The following DNAJB6 variants were observed in gnomAD, a reference collection of about 807,000 sequenced individuals.
DNAJB6 encodes dnaJ homolog subfamily B member 6.
In DNAJB6, 16 loss-of-function variants were observed where a neutral mutation model predicts 42.7. The ratio of observed to expected loss-of-function variants is 0.37; its 90% confidence interval spans 0.25 to 0.57. The LOEUF is 0.57. DNAJB6 is among the 20% of genes least tolerant of loss of function. DNAJB6 has a pLI of 0.74. For missense variants in DNAJB6, 347 were observed against 416.8 expected, an observed-to-expected ratio of 0.83 and a Z score of 1.46; for synonymous variants, 170 against 163.5, an observed-to-expected ratio of 1.04 and a Z score of -0.30.
intron 1 of DNAJB6, among the ~76,000 whole-genome samples, chr7:157,340,964 CTGTGTG>C (rs35976329): frequency 0.066 from 9,597 of 146,114 alleles, 412 homozygotes; most frequent in Non-Finnish European, 0.098. Context: ...CCGCACCTGG[CTGTGTG>C]TGTGTGTGTG....
At chr7:157,349,441 C>T (rs150492661) in intron 1 of DNAJB6, among the ~76,000 whole-genome samples, 7 of 152,102 alleles carry the variant, frequency 4.6e-5, no homozygotes, top group East Asian at 1.9e-4. Context: ...AAGGCAGGAC[C>T]GTGACCCCAG....
intron 8 of DNAJB6, among the ~76,000 whole-genome samples, chr7:157,389,874 T>C (rs1024904025): frequency 2.0e-5 from 3 of 152,216 alleles, no homozygotes; most frequent in Non-Finnish European, 4.4e-5. Flanking sequence ...TCAGTCGGTC[T>C]TACCTAACTG....
rs201137575 is a variant in DNAJB6 at position 157,343,308 on chromosome 7, C to CA, written c.-27+6165dup. 5.3e-3 allele frequency among the ~76,000 whole-genome samples: 812 copies of CA among 152,044 alleles called. 11 individuals carry two copies. The highest frequency in any genetic ancestry group is 0.018 in the African/African-American group (750 of 41,476). On this transcript the variant is annotated intron_variant, in intron 1 of 9. Coordinates refer to ENST00000262177, the MANE Select transcript of DNAJB6 (RefSeq NM_058246.4). ...CCGAGTAGCTGGGACTACAGGCGCT[C>CA]ACCACCATGCCTGGCTAATTTTTGT...
chr7:157,376,865 G>A (rs1186224386), intron 5 of DNAJB6, among the ~76,000 whole-genome samples: 1 of 152,194 alleles, frequency 6.6e-6, no homozygotes, highest in Non-Finnish European at 1.5e-5. Context: ...GGGCGACAGA[G>A]CAAGACTCCG....
intron 5 of DNAJB6, among the ~76,000 whole-genome samples, chr7:157,373,392 C>T (rs1800315416): frequency 1.3e-5 from 2 of 152,088 alleles, no homozygotes; most frequent in African/African-American, 2.4e-5. Flanking sequence ...GCTCTGTCAC[C>T]CAGGCTGGAG....
chr7:157,368,889 C>T (rs192003479), intron 5 of DNAJB6: 103 of 201,934 alleles, frequency 5.1e-4, no homozygotes, highest in Middle Eastern at 4.2e-3. Context: ...AGGGGAGAAA[C>T]GTGGAGCTCC....
intron 2 of DNAJB6, among the ~76,000 whole-genome samples, chr7:157,359,907 GAGGTCAGGC>G (rs1162880616): frequency 6.6e-6 from 1 of 152,226 alleles, no homozygotes; most frequent in Non-Finnish European, 1.5e-5. Context: ...CTACTGAGGA[GAGGTCAGGC>G]AGGCCCTGAT....
At chr7:157,347,405 G>A (rs186547182) in intron 1 of DNAJB6, among the ~76,000 whole-genome samples, 22 of 152,284 alleles carry the variant, frequency 1.4e-4, no homozygotes, top group African/African-American at 5.3e-4. Context: ...AGTGTCTTTG[G>A]TATGTTGCCC....
intron 1 of DNAJB6, among the ~76,000 whole-genome samples, chr7:157,349,866 C>T (rs889343489): frequency 1.3e-5 from 2 of 152,170 alleles, no homozygotes; most frequent in African/African-American, 4.8e-5. Context: ...TGGTCTCGAA[C>T]TCCTGGCCTC....
chr7:157,374,117 C>A (rs575954935), intron 5 of DNAJB6, among the ~76,000 whole-genome samples: 1 of 151,118 alleles, frequency 6.6e-6, no homozygotes, highest in East Asian at 2.0e-4. Context: ...TTCACATGGT[C>A]GTGAAGCAGT....
chr7:157,339,977 T>A (rs1584868786), intron 1 of DNAJB6: 1 of 152,178 alleles, frequency 6.6e-6, no homozygotes, highest in African/African-American at 2.4e-5. Context: ...GGCAGGTATT[T>A]TTAGTCATCC....
intron 5 of DNAJB6, among the ~76,000 whole-genome samples, chr7:157,373,245 C>T (rs1426595485): frequency 6.6e-6 from 1 of 152,206 alleles, no homozygotes; most frequent in Non-Finnish European, 1.5e-5. Context: ...ACCACTTTAA[C>T]ATCATATTTC....
At chr7:157,337,942 G>A (rs1393964010) in intron 1 of DNAJB6, 1 of 152,196 alleles carries the variant, frequency 6.6e-6, no homozygotes, top group East Asian at 1.9e-4. Context: ...CACGTAAACG[G>A]GGCAGGAAAC....
In DNAJB6 at chr7:157,338,606, TTAGAGGCGCGAGCCA is replaced by T. The variant is rs1357334173; in HGVS notation, c.-27+1463_-27+1477del. Reference sequence around the variant, plus strand: ...GCCTCGGCCTCCCAAAGTGTTGGGATTAGAGGCGCGAGCCACCGCGCCTCGCCGACTCCAGACTTG... The same window carrying T: ...GCCTCGGCCTCCCAAAGTGTTGGGATCCGCGCCTCGCCGACTCCAGACTTG... On this transcript the variant is annotated intron_variant, in intron 1 of 9. Coordinates refer to ENST00000262177, the MANE Select transcript of DNAJB6 (RefSeq NM_058246.4). 6.6e-4 allele frequency among the ~76,000 whole-genome samples: 101 copies of T among 152,330 alleles called. 1 individual carries two copies. The highest frequency in any genetic ancestry group is 2.3e-3 in the African/African-American group (97 of 41,578).
chr7:157,415,574 G>T (rs1005548106), intron 9 of DNAJB6: 10 of 189,300 alleles, frequency 5.3e-5, no homozygotes, highest in Non-Finnish European at 1.1e-4. Context: ...CTGAAGGAGA[G>T]CCCAGGGTGG....
intron 1 of DNAJB6, among the ~76,000 whole-genome samples, chr7:157,357,240 T>TTCCG (rs1799333601): frequency 1.2e-5 from 1 of 80,822 alleles, no homozygotes; most frequent in Non-Finnish European, 2.7e-5. Flanking sequence ...CCTTCCTTCC[T>TTCCG]TCCTTCCTTC....
At chr7:157,403,713 T>C (rs1795627589) in intron 8 of DNAJB6, among the ~76,000 whole-genome samples, 1 of 152,234 alleles carries the variant, frequency 6.6e-6, no homozygotes, top group African/African-American at 2.4e-5. Flanking sequence ...TCCCTTTAGC[T>C]GAGTGATTTT....
intron 1 of DNAJB6, among the ~76,000 whole-genome samples, chr7:157,338,742 C>T (rs891918868): frequency 1.3e-5 from 2 of 152,216 alleles, no homozygotes; most frequent in Non-Finnish European, 2.9e-5. Flanking sequence ...TTTATGCACG[C>T]TTCAGCGAGC....
intron 3 of DNAJB6, among the ~76,000 whole-genome samples, chr7:157,364,579 G>A (rs1376692250): frequency 6.6e-6 from 1 of 152,086 alleles, no homozygotes; most frequent in Non-Finnish European, 1.5e-5. Context: ...TTAGATTTGT[G>A]CGCTGGGAGT....
Sources: gnomAD v4.1 joint callset for allele counts (sites outside exome capture counted in the v4.1 genomes callset) on GRCh38, gnomAD v4.1.1 for gene constraint, MANE v1.5 for transcripts, NCBI Gene and HGNC (gene_info 2026-07-23, HGNC 2026-07-21) for gene names.